Variants in TRAPPC9 observed in about 807,000 individuals in gnomAD.
TRAPPC9 encodes the protein IKK2 binding protein.
In TRAPPC9, 83 loss-of-function variants were observed where a neutral mutation model predicts 124.0. The ratio of observed to expected loss-of-function variants is 0.67; its 90% confidence interval spans 0.56 to 0.80. The LOEUF (loss-of-function observed/expected upper bound fraction) is 0.80, where lower values mean the gene tolerates loss of function less well. Ranked by LOEUF, TRAPPC9 falls within the 30% of genes least tolerant of loss-of-function variation. The pLI is 0.00. For synonymous variants in TRAPPC9, 638 were observed against 617.5 expected (o/e 1.03, Z -0.49); for missense variants, 1,302 against 1,508.3 (o/e 0.86, Z 2.27).
At chr8:139,979,113 A>G (rs1836704833) in intron 19 of TRAPPC9, among the ~76,000 whole-genome samples, 3 of 148,168 alleles carry the variant, frequency 2.0e-5, no homozygotes, top group Admixed American at 2.0e-4. Flanking sequence ...TCTGACAGGA[A>G]TGCAAGCACC....
At chr8:140,056,820 AC>A (rs1842312334) in intron 17 of TRAPPC9, among the ~76,000 whole-genome samples, 1 of 152,222 alleles carries the variant, frequency 6.6e-6, no homozygotes, top group Admixed American at 6.5e-5. Flanking sequence ...AATGAACTAT[AC>A]CAAACTAAAA....
intron 17 of TRAPPC9, among the ~76,000 whole-genome samples, chr8:140,083,753 G>A (rs929397511): frequency 3.3e-5 from 5 of 152,092 alleles, no homozygotes; most frequent in African/African-American, 1.2e-4. Context: ...TGCAACGTTT[G>A]CCTCCTAGGT....
chr8:140,054,461 A>G (rs1842189243), intron 17 of TRAPPC9, among the ~76,000 whole-genome samples: 1 of 152,132 alleles, frequency 6.6e-6, no homozygotes, highest in Non-Finnish European at 1.5e-5. Context: ...CTGTAATAAA[A>G]AAGAAAACTT....
intron 17 of TRAPPC9, chr8:140,098,798 C>T (rs910949670): frequency 5.3e-5 from 8 of 151,870 alleles, no homozygotes; most frequent in African/African-American, 1.9e-4. Context: ...CCAGGTCCTC[C>T]GCAGCTGTCC....
At chr8:140,112,841 CTTTTTTT>C (rs34920600) in intron 17 of TRAPPC9, among the ~76,000 whole-genome samples, 4 of 129,292 alleles carry the variant, frequency 3.1e-5, no homozygotes, top group South Asian at 2.4e-4. Context: ...TTTTAATTTC[CTTTTTTT>C]TTTTTTTTTT....
At chr8:140,359,853 G>A (rs986625914) in intron 9 of TRAPPC9, among the ~76,000 whole-genome samples, 197 bp downstream of exon 9, 4 of 152,138 alleles carry the variant, frequency 2.6e-5, no homozygotes, top group Non-Finnish European at 4.4e-5. Flanking sequence ...GGCGGGAGGA[G>A]GTGGCACAGG....
intron 19 of TRAPPC9, among the ~76,000 whole-genome samples, chr8:139,971,710 C>CAT (rs1554598148): frequency 0.073 from 10,693 of 146,066 alleles, 814 homozygotes; most frequent in East Asian, 0.41. Context: ...TGCTAAAGTT[C>CAT]ATATATATAT....
chr8:140,066,365 A>G (rs900457581), intron 17 of TRAPPC9, among the ~76,000 whole-genome samples: 1 of 152,196 alleles, frequency 6.6e-6, no homozygotes, highest in Non-Finnish European at 1.5e-5. Flanking sequence ...GGAGACACTG[A>G]AGATGCCGAT....
At position 139,910,305 on chromosome 8, in the gene TRAPPC9, G is replaced by C; in HGVS notation, c.2811-5C>G. On this transcript the variant is annotated splice_polypyrimidine_tract_variant and splice_region_variant and intron_variant, in intron 19 of 22. Coordinates refer to ENST00000438773, the MANE Select transcript of TRAPPC9 (RefSeq NM_001160372.4). ...TTGTCCACTTGAATAGCCATTCTACGAGAAAGGGGAAAACACAGCAGAGAA... is the reference window on the plus strand; with the variant it reads ...TTGTCCACTTGAATAGCCATTCTACCAGAAAGGGGAAAACACAGCAGAGAA... The C allele has an allele frequency of 1.9e-6, 3 of 1,614,144 alleles. No individual in the cohort carries two copies. Among genetic ancestry groups the C allele is most frequent in the Non-Finnish European group, 1.7e-6 (2 of 1,180,020 alleles).
intron 16 of TRAPPC9, among the ~76,000 whole-genome samples, chr8:140,230,363 C>A (rs1289086190): frequency 6.6e-6 from 1 of 152,106 alleles, no homozygotes; most frequent in Non-Finnish European, 1.5e-5. Context: ...AATCCCAGCA[C>A]TTTGGGAGGC....
intron 16 of TRAPPC9, among the ~76,000 whole-genome samples, chr8:140,226,631 A>C (rs2063460632): frequency 2.0e-5 from 3 of 151,660 alleles, no homozygotes; most frequent in African/African-American, 4.8e-5. Context: ...AAGGAAAAAA[A>C]AAAGAAAAAG....
intron 20 of TRAPPC9, among the ~76,000 whole-genome samples, chr8:139,889,317 A>T (rs749194527): frequency 7.2e-5 from 11 of 151,986 alleles, no homozygotes; most frequent in Non-Finnish European, 1.5e-4. Flanking sequence ...GCCATAGTGA[A>T]AGCAGGTGGC....
chr8:140,355,411 C>G (rs1398005788), intron 9 of TRAPPC9, among the ~76,000 whole-genome samples: 3 of 152,204 alleles, frequency 2.0e-5, no homozygotes, highest in South Asian at 2.1e-4. Flanking sequence ...CTAGCTGAGT[C>G]TGGTTGCAGC....
intron 19 of TRAPPC9, among the ~76,000 whole-genome samples, chr8:139,977,869 C>T (rs1423872160): frequency 2.6e-5 from 4 of 151,718 alleles, no homozygotes; most frequent in Non-Finnish European, 5.9e-5. Flanking sequence ...TTAGTAGAAA[C>T]GGGGTTTCAC....
At chr8:139,761,763 C>T (rs949776407) in intron 21 of TRAPPC9, among the ~76,000 whole-genome samples, 4 of 151,960 alleles carry the variant, frequency 2.6e-5, no homozygotes, top group East Asian at 2.0e-4. Flanking sequence ...CCGCCCCGTT[C>T]TGCTGTCCTG....
In TRAPPC9 at chr8:139,988,831, C is replaced by T. The variant is rs768169759; in HGVS notation, c.2705G>A (p.Arg902Gln). The change falls in exon 19 of 23, where the codon CGG becomes CAG. Residue 902 changes from arginine (R) to glutamine (Q), a missense_variant. Physicochemically the swap from Arg to Gln is conservative, Grantham distance 43. Transcript: ENST00000438773. ...RVSTLPATSTRQCHLLLDVFN... is the reference protein window; with the variant it reads ...RVSTLPATSTQQCHLLLDVFN... The stretch of plus-strand genomic sequence containing the variant: ...GACATCCAGGAGCAGGTGACACTGC[C>T]GGGTACTGCGTTAAAGAAAAAAGAA... 24 of 1,547,964 alleles carry T rather than the reference C, an allele frequency of 1.6e-5. No individual in the cohort carries two copies. Among genetic ancestry groups the T allele is most frequent in the Admixed American group, 9.8e-5 (5 of 50,972 alleles).
chr8:139,923,469 G>C (rs921739857), intron 19 of TRAPPC9, among the ~76,000 whole-genome samples: 1 of 150,540 alleles, frequency 6.6e-6, no homozygotes, highest in Non-Finnish European at 1.5e-5. Context: ...CCGAACTCAC[G>C]TTTCACTCAA....
rs554114378 is a variant in TRAPPC9, at chr8:139,825,263, C to G, written c.3055+60616G>C. 6.6e-6 allele frequency among the ~76,000 whole-genome samples: 1 copy of G among 152,332 alleles called. No individual in the cohort carries two copies. Among genetic ancestry groups the G allele is most frequent in the African/African-American group, 2.4e-5 (1 of 41,578 alleles). The stretch of plus-strand genomic sequence containing the variant: ...GAAACGGCTCCTGTCTTTCAGGGAA[C>G]TAGCCACTCCTCTGGGACCTGCAGC... On this transcript the variant is annotated intron_variant, in intron 21 of 22. Transcript: ENST00000438773. This position sits in a 1 kb window ranked among gnomAD's most constrained non-coding sequence, Gnocchi z 4.6.
At chr8:140,288,718 T>G (rs188375638) in intron 12 of TRAPPC9, among the ~76,000 whole-genome samples, 1 of 152,334 alleles carries the variant, frequency 6.6e-6, no homozygotes, top group East Asian at 1.9e-4. Flanking sequence ...AAAAAGGCGT[T>G]ATTTCTATAG....
Sources: allele counts gnomAD v4.1 joint callset (sites outside exome capture counted in the v4.1 genomes callset), GRCh38; gene constraint gnomAD v4.1.1; non-coding constraint Gnocchi (gnomAD v3.1); transcripts MANE v1.5; gene names NCBI Gene and HGNC (gene_info 2026-07-23, HGNC 2026-07-21).